KCNU1: variants seen among roughly 807,000 people sequenced by gnomAD.
KCNU1 encodes the protein potassium calcium-activated channel subfamily U member 1.
KCNU1 carries 93 observed loss-of-function variants against 126.8 expected under a neutral mutation model. That is an observed-to-expected ratio of 0.73 (90% CI 0.62 to 0.87). KCNU1 has a LOEUF of 0.87. KCNU1 is among the 40% of genes least tolerant of loss of function. The pLI is 0.00. For missense variants in KCNU1, 1,330 were observed against 1,367.1 expected (o/e 0.97, Z 0.43); for synonymous variants, 523 against 494.2 (o/e 1.06, Z -0.77).
At chr8:36,798,406 T>G (rs145901439) in intron 2 of KCNU1, among the ~76,000 whole-genome samples, 24,049 of 152,248 alleles carry the variant, frequency 0.16, 2,106 homozygotes, top group Admixed American at 0.28. Context: ...TTGCCATATT[T>G]TGAAATGGCC....
At chr8:36,860,493 G>C (rs1383950041) in intron 18 of KCNU1, among the ~76,000 whole-genome samples, 1 of 152,038 alleles carries the variant, frequency 6.6e-6, no homozygotes, top group Non-Finnish European at 1.5e-5. Context: ...AAGTTTTTGG[G>C]CATGAAGTTT....
At chr8:36,786,693 C>T (rs768867809) in intron 1 of KCNU1, among the ~76,000 whole-genome samples, 1 of 152,142 alleles carries the variant, frequency 6.6e-6, no homozygotes, top group East Asian at 1.9e-4. Flanking sequence ...TTTCTCTATA[C>T]CTTGGTATCC....
chr8:36,832,712 T>C (rs939705924), intron 10 of KCNU1, among the ~76,000 whole-genome samples: 3 of 152,098 alleles, frequency 2.0e-5, no homozygotes, highest in African/African-American at 7.2e-5. Flanking sequence ...CTGTTTTATC[T>C]TTTTGTTCCT....
At chr8:36,811,388 C>A (rs1241625167) in intron 7 of KCNU1, among the ~76,000 whole-genome samples, 1 of 152,030 alleles carries the variant, frequency 6.6e-6, no homozygotes, top group African/African-American at 2.4e-5. Context: ...AAAACAGGGT[C>A]TATACAGGGG....
At chr8:36,899,252 C>T (rs927210826) in intron 19 of KCNU1, among the ~76,000 whole-genome samples, 3 of 151,718 alleles carry the variant, frequency 2.0e-5, no homozygotes, top group African/African-American at 4.8e-5. Context: ...GCTGGGGCCA[C>T]TCTGATCTTG....
intron 19 of KCNU1, among the ~76,000 whole-genome samples, chr8:36,899,542 A>G (rs1019610361): frequency 3.3e-5 from 5 of 152,124 alleles, no homozygotes; most frequent in Non-Finnish European, 7.4e-5. Context: ...TTTTTAAATC[A>G]TACCTATTAT....
chr8:36,787,050 G>A (rs1802733721), intron 1 of KCNU1, among the ~76,000 whole-genome samples: 1 of 152,126 alleles, frequency 6.6e-6, no homozygotes, highest in African/African-American at 2.4e-5. Context: ...TCTGGGACCG[G>A]GTATACATGA....
At chr8:36,866,001 A>G (rs1387431110) in intron 19 of KCNU1, among the ~76,000 whole-genome samples, 1 of 152,004 alleles carries the variant, frequency 6.6e-6, no homozygotes, top group Non-Finnish European at 1.5e-5. Flanking sequence ...AACAGAGTGG[A>G]ATGGTGGTTT....
chr8:36,805,584 C>T (rs1803469456), intron 4 of KCNU1, among the ~76,000 whole-genome samples: 1 of 152,148 alleles, frequency 6.6e-6, no homozygotes, highest in Non-Finnish European at 1.5e-5. Context: ...GACAAGCGAG[C>T]AGAACTTGAG....
chr8:36,932,330 C>T (rs1458460386), intron 25 of KCNU1, among the ~76,000 whole-genome samples: 2 of 152,224 alleles, frequency 1.3e-5, no homozygotes, highest in East Asian at 1.9e-4. Flanking sequence ...CCTCTCCCTC[C>T]TCTCTCCATT....
At chr8:36,933,435 C>T (rs1047328161) in intron 26 of KCNU1, among the ~76,000 whole-genome samples, 7 of 152,058 alleles carry the variant, frequency 4.6e-5, no homozygotes, top group Admixed American at 2.0e-4. Context: ...TGATTGAGAC[C>T]TACTTTGCTA....
chr8:36,852,014 T>C (rs1472775856), intron 18 of KCNU1, among the ~76,000 whole-genome samples: 2 of 152,328 alleles, frequency 1.3e-5, no homozygotes, highest in East Asian at 1.9e-4. Context: ...CTGTGAATTT[T>C]TCATAGATGC....
chr8:36,888,392 C>T (rs527712695), intron 19 of KCNU1: 3 of 363,190 alleles, frequency 8.3e-6, no homozygotes, highest in South Asian at 4.2e-5. Context: ...CTCCTCCCTC[C>T]CCCACAACAC....
chr8:36,854,070 A>C (rs1805445406), intron 18 of KCNU1, among the ~76,000 whole-genome samples: 1 of 152,076 alleles, frequency 6.6e-6, no homozygotes, highest in African/African-American at 2.4e-5. Context: ...CTATTGTTTC[A>C]GATTAGAAAT....
rs115063818 is a variant in KCNU1 at position 36,857,398 on chromosome 8, G to C, written c.1892-7006G>C. ...AAATACTGAGGCTGTGTCCCTCACA[G>C]GGACATAGCACAGCATTTGACTGGG... On this transcript the variant is annotated intron_variant, in intron 18 of 26. Transcript: ENST00000399881. Among the ~76,000 whole-genome samples, 952 of 152,214 alleles carry C rather than the reference G, an allele frequency of 6.3e-3. 16 individuals carry two copies. The highest frequency in any genetic ancestry group is 0.022 in the African/African-American group (911 of 41,522).
At chr8:36,880,657 T>A (rs1214076391) in intron 19 of KCNU1, among the ~76,000 whole-genome samples, 1 of 152,150 alleles carries the variant, frequency 6.6e-6, no homozygotes, top group Non-Finnish European at 1.5e-5. Flanking sequence ...TTGGAATCCC[T>A]GACTGGCAGT....
chr8:36,884,312 A>G (rs1318880131), intron 19 of KCNU1, among the ~76,000 whole-genome samples: 1 of 152,226 alleles, frequency 6.6e-6, no homozygotes, highest in Non-Finnish European at 1.5e-5. Flanking sequence ...AATTACCCAC[A>G]GTAATTCTGA....
chr8:36,836,735 G>C, intron 13 of KCNU1, 58 bp from the exon 14 acceptor site: 2 of 1,460,866 alleles, frequency 1.4e-6, no homozygotes, highest in Non-Finnish European at 1.9e-6. Context: ...CCATCCTCAA[G>C]AGCTTTCTTG....
chr8:36,910,866 C>T, intron 21 of KCNU1, 64 bp from the exon 22 acceptor site: 1 of 1,181,648 alleles, frequency 8.5e-7, no homozygotes, highest in Non-Finnish European at 1.2e-6. Context: ...GAGCCACCAC[C>T]ATGAGCCATG....
Sources: allele counts gnomAD v4.1 joint callset (sites outside exome capture counted in the v4.1 genomes callset), GRCh38; gene constraint gnomAD v4.1.1; transcripts MANE v1.5; gene names NCBI Gene and HGNC (gene_info 2026-07-23, HGNC 2026-07-21).